FBN3: variants seen among roughly 807,000 people sequenced by gnomAD.
The protein encoded by FBN3 is fibrillin-3.
In FBN3, 234 loss-of-function variants were observed where a neutral mutation model predicts 330.1. The observed-to-expected ratio is 0.71, with a 90% CI of 0.64 to 0.79. The LOEUF (loss-of-function observed/expected upper bound fraction) is 0.79. Among genes scored for constraint, FBN3 ranks in the 30% least tolerant of loss-of-function variants. The probability of loss-of-function intolerance (pLI) is 0.00; values close to 1 mark genes in which losing one functional copy is unlikely to be tolerated. For synonymous variants in FBN3, 1,458 were observed against 1,517.3 expected, an observed-to-expected ratio of 0.96 and a Z score of 0.91; for missense variants, 3,606 against 3,886.9, an observed-to-expected ratio of 0.93 and a Z score of 1.92.
intron 13 of FBN3, 25 bp downstream of exon 13, chr19:8,135,936 G>GGGGGGGGGGGGGGCGGCGCCCGCCCCCCC: frequency 1.5e-6 from 1 of 668,778 alleles, no homozygotes; most frequent in Non-Finnish European, 2.4e-6. Flanking sequence ...GGAAGCCCCT[G>GGGGGGGGGGGGGGCGGCGCCCGCCCCCCC]CCCACCCGCC....
chr19:8,090,486 G>GT (rs2082072309), intron 48 of FBN3, among the ~76,000 whole-genome samples: 1 of 105,376 alleles, frequency 9.5e-6, no homozygotes, highest in African/African-American at 3.4e-5. Flanking sequence ...TGGTGGTGGT[G>GT]GTTTTTTTTT....
At position 8,081,521 on chromosome 19, in the gene FBN3, G is replaced by A. The variant is rs1229500633; in HGVS notation, c.7214-41C>T. 6 of 1,555,806 alleles carry A rather than the reference G, an allele frequency of 3.9e-6. No individual in the cohort carries two copies. In the South Asian group the frequency reaches 6.2e-5, roughly 16 times the overall value. On this transcript the variant is annotated intron_variant, in intron 57 of 63. Transcript: ENST00000600128. ...GTGGGTAGTGGGGCGGGGTTAGACA[G>A]ACATTCCCTGGGGGTGTTCAGGGAC...
chr19:8,124,835 C>A (rs1446178615), intron 22 of FBN3, among the ~76,000 whole-genome samples: 1 of 152,160 alleles, frequency 6.6e-6, no homozygotes, highest in Non-Finnish European at 1.5e-5. Flanking sequence ...CATGCCCGGC[C>A]ACTAAGGATT....
chr19:8,068,725 TAATA>T (rs796702480), intron 63 of FBN3, among the ~76,000 whole-genome samples: 7 of 52,690 alleles, frequency 1.3e-4, no homozygotes, highest in East Asian at 4.6e-4. Context: ...AATAAATAAA[TAATA>T]AATCAATAAA....
rs979205207 is a variant in FBN3, at chr19:8,121,793, A to C, written c.3083-407T>G. Among the ~76,000 whole-genome samples, 4 of 152,116 alleles carry C rather than the reference A, an allele frequency of 2.6e-5. No homozygotes were observed. Among genetic ancestry groups the C allele is most frequent in the African/African-American group, 9.7e-5 (4 of 41,398 alleles). On this transcript the variant is annotated intron_variant, in intron 24 of 63. Coordinates refer to ENST00000600128, the MANE Select transcript of FBN3 (RefSeq NM_032447.5). This position sits in a 1 kb window ranked among gnomAD's most constrained non-coding sequence, Gnocchi z 4.5. The stretch of plus-strand genomic sequence containing the variant: ...GAGACAGAGTCTTGCTCTGTCACCC[A>C]GGATGGAGTGCAGTGATGCAATCTC...
chr19:8,069,430 C>G (rs1456847962), intron 63 of FBN3, among the ~76,000 whole-genome samples: 1 of 152,266 alleles, frequency 6.6e-6, no homozygotes, highest in East Asian at 1.9e-4. Context: ...CATTTACATG[C>G]CGACGGAGTG....
Position 8,126,036 on chromosome 19 carries a change from A to G in FBN3, c.2606-19T>C, listed in dbSNP as rs2082973435. 1.2e-6 allele frequency: 2 copies of G among 1,613,654 alleles called. No homozygotes were observed. The highest frequency in any genetic ancestry group is 2.7e-5 in the African/African-American group (2 of 74,912). Reference sequence around the variant, plus strand: ...TTCACATCTGGGTAAGGAGGAGGGAAAGCCGGAGGGTCCAGGGAGGGGAAG... The same window carrying G: ...TTCACATCTGGGTAAGGAGGAGGGAGAGCCGGAGGGTCCAGGGAGGGGAAG... On this transcript the variant is annotated intron_variant, in intron 21 of 63. Coordinates refer to ENST00000600128, the MANE Select transcript of FBN3 (RefSeq NM_032447.5).
intron 37 of FBN3, 69 bp from the exon 38 acceptor site, chr19:8,106,302 C>T: frequency 1.9e-6 from 3 of 1,579,094 alleles, no homozygotes; most frequent in Middle Eastern, 1.7e-4. Context: ...GCACCCACAC[C>T]ATGCTCTGGG....
chr19:8,139,919 T>C (rs1461664734), intron 8 of FBN3, among the ~76,000 whole-genome samples: 2 of 151,892 alleles, frequency 1.3e-5, no homozygotes, highest in Non-Finnish European at 2.9e-5. Context: ...CAAATGTTTC[T>C]ACCTCCCTGG....
chr19:8,066,747 C>T (rs903349871), intron 63 of FBN3, among the ~76,000 whole-genome samples: 7 of 152,022 alleles, frequency 4.6e-5, no homozygotes, highest in Non-Finnish European at 8.8e-5. Context: ...GGCGTGGTGG[C>T]GGGCGCCTGT....
chr19:8,068,097 A>G (rs975440059), intron 63 of FBN3, among the ~76,000 whole-genome samples: 1 of 152,102 alleles, frequency 6.6e-6, no homozygotes, highest in Non-Finnish European at 1.5e-5. Flanking sequence ...TTTAAAAATC[A>G]ATAAATAGGC....
At position 8,073,064 on chromosome 19, in the gene FBN3, C is replaced by A; in HGVS notation, c.7936G>T (p.Gly2646Trp). The change falls in exon 62 of 64, where the codon GGG becomes TGG. Residue 2646 changes from glycine (G) to tryptophan (W), a missense_variant and splice_region_variant. Transcript: ENST00000600128. Reference protein sequence around the residue: ...CPQGYFRAGQGHCVSGLGFSP... With the variant: ...CPQGYFRAGQWHCVSGLGFSP... ...GCTTGCCCCACTCCAGCCTCTCACC[C>A]TTGCCCAGCCCGGAAGTAGCCTTGA... The A allele has an allele frequency of 6.2e-7, 1 of 1,605,806 alleles. No individual in the cohort carries two copies. The highest frequency in any genetic ancestry group is 8.5e-7 in the Non-Finnish European group (1 of 1,174,926).
intron 42 of FBN3, 56 bp downstream of exon 42, chr19:8,097,233 G>A: frequency 6.4e-7 from 1 of 1,573,286 alleles, no homozygotes. Flanking sequence ...AGATTGCACA[G>A]TGGCGGACAT....
intron 56 of FBN3, 137 bp downstream of exon 56, chr19:8,085,220 GACACAC>G (rs35473068): frequency 0.017 from 9,283 of 543,658 alleles, 33 homozygotes; most frequent in South Asian, 0.06. Context: ...CTAGCACAAA[GACACAC>G]ACACACACAC....
chr19:8,131,643 G>C lies in FBN3; in HGVS notation c.1901C>G (p.Pro634Arg). 1 of 1,614,240 alleles carries C rather than the reference G, an allele frequency of 6.2e-7. No homozygotes were observed. Among genetic ancestry groups the C allele is most frequent in the Non-Finnish European group, 8.5e-7 (1 of 1,180,040 alleles). The change falls in exon 15 of 64, where the codon CCT (proline) becomes CGT (arginine). Residue 634 changes from proline to arginine, a missense_variant. Physicochemically the swap from Pro to Arg is moderately radical, Grantham distance 103. Coordinates refer to ENST00000600128, the MANE Select transcript of FBN3 (RefSeq NM_032447.5). The surrounding 1 kb of genome is among the most constrained non-coding windows in gnomAD (Gnocchi z 4.5). ...GCACTCGGACTTGGTGACAGTGCCA[G>C]GGAAGGGGCGGGCACAGGAGCCCTT... ...IEKGSCARPF[P>R]GTVTKSECCC... is the part of the protein sequence containing the mutation.
At position 8,126,790 on chromosome 19, in the gene FBN3, C is replaced by G; in HGVS notation, c.2339G>C (p.Cys780Ser). ...CLSSPCVSGV[C>S]RNLAGSYTCK... ...GGTGTAGGAGCCGGCCAGGTTCCGACAGACGCCACTCACACACGGGCTGGA... is the reference window on the plus strand; with the variant it reads ...GGTGTAGGAGCCGGCCAGGTTCCGAGAGACGCCACTCACACACGGGCTGGA... Residue 780 changes from cysteine (C) to serine (S), a missense_variant, in exon 19 of 64, where the codon TGT becomes TCT. By Grantham distance (112) the Cys-to-Ser change is moderately radical. Transcript: ENST00000600128. 1 of 1,588,984 alleles carries G rather than the reference C, an allele frequency of 6.3e-7. No homozygotes were observed. Among genetic ancestry groups the G allele is most frequent in the Non-Finnish European group, 8.5e-7 (1 of 1,169,750 alleles).
chr19:8,123,889 A>G lies in FBN3; in HGVS notation c.2851T>C (p.Cys951Arg), dbSNP rs1423307956. The change falls in exon 23 of 64, where the codon TGC becomes CGC. Residue 951 changes from cysteine to arginine, a missense_variant. Physicochemically the swap from Cys to Arg is radical, Grantham distance 180. Transcript: ENST00000600128. ...CSIGAVWGVE[C>R]EACPDPESLE... ...GACTCGGGATCCGGGCAGGCCTCGC[A>G]CTCGACTCCCCACACGGCCCCGATG... 6.2e-7 allele frequency: 1 copy of G among 1,613,504 alleles called. No individual in the cohort carries two copies. The highest frequency in any genetic ancestry group is 8.5e-7 in the Non-Finnish European group (1 of 1,179,958).
intron 61 of FBN3, among the ~76,000 whole-genome samples, chr19:8,073,922 T>G (rs1276056063): frequency 6.6e-6 from 1 of 151,922 alleles, no homozygotes; most frequent in African/African-American, 2.4e-5. Context: ...CCTCAAATGA[T>G]CCCCCTACCT....
intron 60 of FBN3, 37 bp from the exon 61 acceptor site, chr19:8,075,227 C>G (rs112479210): frequency 1.3e-6 from 2 of 1,575,670 alleles, no homozygotes; most frequent in East Asian, 4.5e-5. Context: ...GTTTACCAGA[C>G]GGCTCTCAGG....
Sources: gnomAD v4.1 joint callset for allele counts (sites outside exome capture counted in the v4.1 genomes callset) on GRCh38, gnomAD v4.1.1 for gene constraint, Gnocchi (gnomAD v3.1) non-coding constraint, MANE v1.5 for transcripts, NCBI Gene and HGNC (gene_info 2026-07-23, HGNC 2026-07-21) for gene names.